Variants in BLMH observed in about 807,000 individuals in gnomAD.
The protein encoded by BLMH is bleomycin hydrolase, also known as BLM hydrolase.
Under a neutral mutation model 61.6 loss-of-function variants are expected in BLMH, and 32 were observed. The observed-to-expected ratio is 0.52, with a 90% CI of 0.39 to 0.70. The LOEUF is 0.70. Ranked by LOEUF, BLMH falls within the 30% of genes least tolerant of loss-of-function variation. BLMH has a pLI of 0.00. For missense variants in BLMH, 460 were observed against 555.5 expected, an observed-to-expected ratio of 0.83 and a Z score of 1.73; for synonymous variants, 183 against 193.8, an observed-to-expected ratio of 0.94 and a Z score of 0.46.
intron 11 of BLMH, among the ~76,000 whole-genome samples, chr17:30,252,390 C>T (rs752504358): frequency 8.6e-5 from 13 of 151,952 alleles, no homozygotes; most frequent in South Asian, 2.1e-4. Context: ...GCATAGCATA[C>T]GTTTACCCTC....
rs1467897857 is a variant in BLMH at position 30,291,425 on chromosome 17, T to G, written c.97A>C (p.Thr33Pro). 1.2e-6 allele frequency: 2 copies of G among 1,614,154 alleles called. No individual in the cohort carries two copies. The highest frequency in any genetic ancestry group is 3.3e-5 in the Admixed American group (2 of 60,030). ...AGACAGATGTCCAGCAGGTCGTGGG[T>G]GGTCCCGACATTCTGGGCAAGTACG... Reference protein sequence around the residue: ...QFVLAQNVGTTHDLLDICLKR... With the variant: ...QFVLAQNVGTPHDLLDICLKR... The change falls in exon 2 of 12, where the codon ACC becomes CCC. Residue 33 changes from threonine to proline, a missense_variant. Transcript: ENST00000261714.
chr17:30,274,893 C>G (rs919086940), intron 6 of BLMH, among the ~76,000 whole-genome samples: 1 of 151,940 alleles, frequency 6.6e-6, no homozygotes, highest in Non-Finnish European at 1.5e-5. Context: ...GAGGGAGGAT[C>G]GCTTGAGCCC....
intron 11 of BLMH, among the ~76,000 whole-genome samples, chr17:30,253,955 CTGTGAATATAG>C (rs1390424167): frequency 2.0e-5 from 3 of 152,142 alleles, no homozygotes; most frequent in Non-Finnish European, 4.4e-5. Context: ...AAAACAGTGT[CTGTGAATATAG>C]CTGTAGACAG....
intron 6 of BLMH, among the ~76,000 whole-genome samples, chr17:30,280,484 T>C (rs568542908): frequency 3.3e-5 from 5 of 152,286 alleles, no homozygotes; most frequent in Admixed American, 2.0e-4. Flanking sequence ...AACTTCTTTT[T>C]ATTTTTTTAA....
chr17:30,248,938 A>T lies in BLMH; in HGVS notation c.*79T>A. ...GTGGCAACACACAGTCCCTTGCATAACTTTGGCTTCAGTCCCTGGATCTGT... is the reference window on the plus strand; with the variant it reads ...GTGGCAACACACAGTCCCTTGCATATCTTTGGCTTCAGTCCCTGGATCTGT... On this transcript the variant is annotated 3_prime_UTR_variant, in exon 12 of 12. Transcript: ENST00000261714. The T allele has an allele frequency of 6.5e-7, 1 of 1,542,088 alleles. No homozygotes were observed. The highest frequency in any genetic ancestry group is 2.3e-5 in the East Asian group (1 of 44,442).
Position 30,248,966 on chromosome 17 carries a change from T to C in BLMH, c.*51A>G. 1 of 1,605,232 alleles carries C rather than the reference T, an allele frequency of 6.2e-7. No individual in the cohort carries two copies. The highest frequency in any genetic ancestry group is 1.1e-5 in the South Asian group (1 of 89,614). ...TTGGCTTCAGTCCCTGGATCTGTCC[T>C]TTGCAGCTACGTCAGGTTCCATGGA... On this transcript the variant is annotated 3_prime_UTR_variant, in exon 12 of 12. Coordinates refer to ENST00000261714, the MANE Select transcript of BLMH (RefSeq NM_000386.4).
In BLMH at chr17:30,289,433, C is replaced by A. The variant is rs1193076586; in HGVS notation, c.261G>T (p.Met87Ile). The A allele has an allele frequency of 6.2e-7, 1 of 1,612,618 alleles. No individual in the cohort carries two copies. The highest frequency in any genetic ancestry group is 8.5e-7 in the Non-Finnish European group (1 of 1,179,240). The change falls in exon 3 of 12, where the codon ATG becomes ATT. Residue 87 changes from methionine (M) to isoleucine (I), a missense_variant. Coordinates refer to ENST00000261714, the MANE Select transcript of BLMH (RefSeq NM_000386.4). The stretch of plus-strand genomic sequence containing the variant: ...CAAATTCTTCAATATTTAACTTTTT[C>A]ATGAATGGAAGCCTCATAACATTCA... ...SCLNVMRLPF[M>I]KKLNIEEFEF...
At chr17:30,253,319 A>T (rs1567830387) in intron 11 of BLMH, among the ~76,000 whole-genome samples, 1 of 152,214 alleles carries the variant, frequency 6.6e-6, no homozygotes, top group East Asian at 1.9e-4. Flanking sequence ...AGTCCTCACA[A>T]ATTAAAATTC....
chr17:30,253,373 C>G (rs1383194773), intron 11 of BLMH, among the ~76,000 whole-genome samples: 2 of 152,204 alleles, frequency 1.3e-5, no homozygotes, highest in Non-Finnish European at 2.9e-5. Flanking sequence ...GCCAAGAGGA[C>G]CCGCCTTGAT....
intron 11 of BLMH, among the ~76,000 whole-genome samples, chr17:30,265,077 G>C (rs774906687): frequency 3.2e-4 from 48 of 152,118 alleles, no homozygotes; most frequent in Non-Finnish European, 5.0e-4. Flanking sequence ...AACAATTATA[G>C]AAATCACAGA....
Position 30,248,591 on chromosome 17 carries a change from G to A in BLMH, c.*426C>T, listed in dbSNP as rs1314194887. 1 of 163,572 alleles carries A rather than the reference G, an allele frequency of 6.1e-6. No individual in the cohort carries two copies. The highest frequency in any genetic ancestry group is 2.4e-5 in the African/African-American group (1 of 41,570). The allele number at this position is 163,572 out of a possible 1,614,324, so 10.1% of individuals were successfully genotyped here. A position where few individuals can be genotyped will look rare whatever the true frequency, so the allele number is the denominator to read the frequency against. On this transcript the variant is annotated 3_prime_UTR_variant, in exon 12 of 12. Transcript: ENST00000261714. ...ACTGTCCAGCAGCATGCAGTTCCGA[G>A]AGCTCAACTCTTAGGCCACCCTCCC...
At chr17:30,277,656 C>T (rs1248448199) in intron 6 of BLMH, among the ~76,000 whole-genome samples, 5 of 152,232 alleles carry the variant, frequency 3.3e-5, no homozygotes, top group Non-Finnish European at 7.3e-5. Flanking sequence ...AAGTGAATTT[C>T]TGGTTACTTT....
intron 6 of BLMH, among the ~76,000 whole-genome samples, chr17:30,284,440 C>T (rs1001025170): frequency 4.2e-4 from 64 of 152,226 alleles, no homozygotes; most frequent in African/African-American, 1.5e-3. Context: ...TGTTTTCCAT[C>T]GCAGTGAAAA....
intron 11 of BLMH, among the ~76,000 whole-genome samples, chr17:30,263,128 T>C (rs924180774): frequency 1.3e-5 from 2 of 152,188 alleles, no homozygotes; most frequent in African/African-American, 2.4e-5. Context: ...GTGGACGACA[T>C]GCTACTAGAA....
chr17:30,288,234 C>T (rs1908785615), intron 3 of BLMH: 2 of 288,710 alleles, frequency 6.9e-6, no homozygotes. Context: ...CTGACTTCAT[C>T]AGAATATCTG....
chr17:30,267,778 A>G (rs1437285806), intron 10 of BLMH, among the ~76,000 whole-genome samples: 1 of 152,208 alleles, frequency 6.6e-6, no homozygotes, highest in Non-Finnish European at 1.5e-5. Flanking sequence ...TACCCAGGAC[A>G]TTTACTGATG....
chr17:30,281,883 A>G (rs1305636433), intron 6 of BLMH, among the ~76,000 whole-genome samples: 2 of 152,246 alleles, frequency 1.3e-5, no homozygotes, highest in African/African-American at 4.8e-5. Context: ...AAAAATACAG[A>G]TAACTAGGTT....
At chr17:30,260,990 G>A (rs1325183699) in intron 11 of BLMH, among the ~76,000 whole-genome samples, 4 of 152,160 alleles carry the variant, frequency 2.6e-5, no homozygotes, top group Non-Finnish European at 5.9e-5. Context: ...GAAACCCTCT[G>A]AGGTGACAAA....
At chr17:30,253,499 T>C (rs1907726471) in intron 11 of BLMH, among the ~76,000 whole-genome samples, 1 of 152,150 alleles carries the variant, frequency 6.6e-6, no homozygotes, top group Non-Finnish European at 1.5e-5. Flanking sequence ...GCCGTAACTG[T>C]TGACACTGTG....
Sources: allele counts gnomAD v4.1 joint callset (sites outside exome capture counted in the v4.1 genomes callset), GRCh38; gene constraint gnomAD v4.1.1; transcripts MANE v1.5; gene names NCBI Gene and HGNC (gene_info 2026-07-23, HGNC 2026-07-21).